NLRP5: variants seen among roughly 807,000 people sequenced by gnomAD.
NLRP5 encodes the protein NLR family pyrin domain containing 5, also known as NACHT, LRR and PYD domains-containing protein 5.
NLRP5 carries 93 observed loss-of-function variants against 113.1 expected under a neutral mutation model. That is an observed-to-expected ratio of 0.82 (90% confidence interval 0.70 to 0.98). The LOEUF is 0.98. Ranked by LOEUF, NLRP5 falls within the 50% of genes least tolerant of loss-of-function variation. The pLI is 0.00. For synonymous variants in NLRP5, 751 were observed against 600.7 expected (o/e 1.25, Z -3.66); for missense variants, 1,808 against 1,514.3 (o/e 1.19, Z -3.22).
intron 13 of NLRP5, among the ~76,000 whole-genome samples, chr19:56,054,111 A>T (rs1024898491): frequency 2.6e-5 from 4 of 152,066 alleles, no homozygotes; most frequent in Admixed American, 6.6e-5. Flanking sequence ...AAGTGAAAAG[A>T]CCTTTGTGTT....
chr19:56,038,832 C>T (rs535624692), intron 10 of NLRP5, among the ~76,000 whole-genome samples: 3 of 152,230 alleles, frequency 2.0e-5, no homozygotes, highest in Middle Eastern at 3.4e-3. Context: ...TTTCCTTTTC[C>T]GTGTCAGAGT....
intron 3 of NLRP5, among the ~76,000 whole-genome samples, chr19:56,013,651 G>A (rs79111717): frequency 0.011 from 1,282 of 117,460 alleles, 37 homozygotes; most frequent in East Asian, 0.08. Context: ...GGATTCCCAC[G>A]TGTGTGTTTG....
intron 7 of NLRP5, among the ~76,000 whole-genome samples, chr19:56,031,368 C>T (rs1983105778): frequency 6.6e-6 from 1 of 152,126 alleles, no homozygotes; most frequent in Admixed American, 6.5e-5. Flanking sequence ...GTGGCTCACG[C>T]CTGTCATCCC....
rs1280738409 is a variant in NLRP5 at position 56,024,243 on chromosome 19, C to G, written c.680-2670C>G. On this transcript the variant is annotated intron_variant, in intron 6 of 14. Coordinates refer to ENST00000390649, the MANE Select transcript of NLRP5 (RefSeq NM_153447.4). ...GTGGGCCGGGCACAGTGGCTCATGCCTATAACCCGAGCACTTGGGAGGCTG... is the reference window on the plus strand; with the variant it reads ...GTGGGCCGGGCACAGTGGCTCATGCGTATAACCCGAGCACTTGGGAGGCTG... 6.0e-5 allele frequency among the ~76,000 whole-genome samples: 9 copies of G among 150,606 alleles called. No individual in the cohort carries two copies. In the South Asian group the frequency reaches 1.9e-3, roughly 32 times the overall value.
At chr19:56,058,028 C>CA (rs10659776) in intron 13 of NLRP5, among the ~76,000 whole-genome samples, 21,270 of 115,542 alleles carry the variant, frequency 0.18, 1,886 homozygotes, top group Non-Finnish European at 0.23. Context: ...AATGCTATCT[C>CA]AAAAAAAAAA....
intron 14 of NLRP5, among the ~76,000 whole-genome samples, chr19:56,060,238 G>A (rs1984301466): frequency 6.6e-6 from 1 of 152,140 alleles, no homozygotes; most frequent in South Asian, 2.1e-4. Context: ...GACCTATTAT[G>A]GGTCTATTTC....
chr19:56,016,408 C>G (rs1029076400), intron 4 of NLRP5, among the ~76,000 whole-genome samples: 4 of 152,144 alleles, frequency 2.6e-5, no homozygotes, highest in African/African-American at 9.7e-5. Flanking sequence ...CCACCTCAGC[C>G]TCCCAAAGTG....
In NLRP5 at chr19:56,041,758, G is replaced by A. The variant is rs574308885; in HGVS notation, c.2957+666G>A. On this transcript the variant is annotated intron_variant, in intron 11 of 14. Coordinates refer to ENST00000390649, the MANE Select transcript of NLRP5 (RefSeq NM_153447.4). ...AGCTCAGGAGTTCAAGACCAGCCTG[G>A]CCAACATGGTGAAATCCCATCTCTA... 3.5e-4 allele frequency among the ~76,000 whole-genome samples: 54 copies of A among 152,174 alleles called. No homozygotes were observed. The South Asian group carries it at 0.011, about 30-fold the overall frequency.
chr19:56,013,596 G>GGGTT (rs1555765383), intron 3 of NLRP5, among the ~76,000 whole-genome samples: 1 of 59,284 alleles, frequency 1.7e-5, no homozygotes, highest in African/African-American at 8.7e-5. Context: ...GGACATTTGG[G>GGGTT]TTTTTTTTTT....
chr19:56,027,671 G>T lies in NLRP5; in HGVS notation c.1438G>T (p.Ala480Ser). Residue 480 changes from alanine to serine, a missense_variant, in exon 7 of 15, where the codon GCC becomes TCC. Ala to Ser is a moderately conservative substitution (Grantham distance 99). Transcript: ENST00000390649. ...CGCCGTGGGCTCTCTCATCTGCGTG[G>T]CCCTGCAGCTGCAGGACGTGGTGGG... The T allele has an allele frequency of 6.2e-7, 1 of 1,613,396 alleles. No homozygotes were observed. The highest frequency in any genetic ancestry group is 8.5e-7 in the Non-Finnish European group (1 of 1,179,900).
At chr19:56,017,132 TGTTA>T (rs1245887844) in intron 4 of NLRP5, among the ~76,000 whole-genome samples, 9 of 152,268 alleles carry the variant, frequency 5.9e-5, no homozygotes, top group African/African-American at 9.6e-5. Flanking sequence ...TCTTTAAGGC[TGTTA>T]GTTGTGACCC....
intron 14 of NLRP5, among the ~76,000 whole-genome samples, chr19:56,059,267 T>C (rs1299398017): frequency 6.6e-6 from 1 of 152,204 alleles, no homozygotes; most frequent in Non-Finnish European, 1.5e-5. Context: ...GCTGAGTTGA[T>C]GGAGTTCACA....
At chr19:56,009,222 C>A (rs1982080832) in intron 3 of NLRP5, among the ~76,000 whole-genome samples, 1 of 151,140 alleles carries the variant, frequency 6.6e-6, no homozygotes. Flanking sequence ...TGCCTGTAAT[C>A]CCAGCTACTT....
At chr19:56,050,648 G>A (rs1599910043) in intron 12 of NLRP5, 60 bp downstream of exon 12, 1 of 1,525,718 alleles carries the variant, frequency 6.6e-7, no homozygotes, top group Non-Finnish European at 8.9e-7. Context: ...GTTCCTGAAA[G>A]GTCAAGAGAT....
At chr19:56,004,155 G>C (rs1568481047) in intron 2 of NLRP5, 60 bp downstream of exon 2, 1 of 1,517,574 alleles carries the variant, frequency 6.6e-7, no homozygotes, top group Non-Finnish European at 8.8e-7. Flanking sequence ...GGTTCTCATG[G>C]GAACAGGGAA....
chr19:56,003,291 A>C (rs1259077359), intron 1 of NLRP5, among the ~76,000 whole-genome samples: 2 of 152,176 alleles, frequency 1.3e-5, no homozygotes, highest in African/African-American at 4.8e-5. Context: ...AGCTGGGATT[A>C]CAGGCATGTG....
upstream of NLRP5, among the ~76,000 whole-genome samples, chr19:55,996,587 T>G (rs1409158116): frequency 1.3e-5 from 2 of 152,166 alleles, no homozygotes; most frequent in Non-Finnish European, 2.9e-5. Flanking sequence ...ACATGTGGTG[T>G]TTGGTTTTTC....
At chr19:55,993,457 CT>C in the NLRP5 span, among the ~76,000 whole-genome samples, 1 of 512 alleles carries the variant, frequency 2.0e-3, no homozygotes, top group Admixed American at 0.014. Flanking sequence ...TCTCCCCCCT[CT>C]CTCCCCCCTC....
chr19:56,048,979 A>ATTTTTTTTTTTTT (rs60229740), intron 11 of NLRP5, among the ~76,000 whole-genome samples: 3 of 94,976 alleles, frequency 3.2e-5, no homozygotes, highest in African/African-American at 4.4e-5. Flanking sequence ...TTTTTTTTTA[A>ATTTTTTTTTTTTT]TTTTTTTTTT....
Sources: allele counts gnomAD v4.1 joint callset (sites outside exome capture counted in the v4.1 genomes callset), GRCh38; gene constraint gnomAD v4.1.1; transcripts MANE v1.5; gene names NCBI Gene and HGNC (gene_info 2026-07-23, HGNC 2026-07-21).